ARHGAP44: variants seen among roughly 807,000 people sequenced by gnomAD.
The protein encoded by ARHGAP44 is rho GTPase-activating protein 44.
A neutral mutation model predicts 106.8 loss-of-function variants in ARHGAP44; 43 were observed. The observed-to-expected ratio is 0.40, with a 90% CI of 0.32 to 0.52. The LOEUF (loss-of-function observed/expected upper bound fraction) is 0.52, where lower values mean the gene tolerates loss of function less well. ARHGAP44 is among the 20% of genes least tolerant of loss of function. The pLI is 0.48. For missense variants in ARHGAP44, 866 were observed against 1,050.5 expected, an observed-to-expected ratio of 0.82 and a Z score of 2.43; for synonymous variants, 439 against 410.3, an observed-to-expected ratio of 1.07 and a Z score of -0.85.
intron 1 of ARHGAP44, among the ~76,000 whole-genome samples, chr17:12,865,799 A>AG (rs1282521244): frequency 6.6e-6 from 1 of 151,838 alleles, no homozygotes; most frequent in Non-Finnish European, 1.5e-5. Flanking sequence ...AGAAAAAAAA[A>AG]AAAAAAAGGA....
rs2038943604 is a variant in ARHGAP44, at chr17:12,949,559, C to T, written c.974-90C>T. ...ACATGGTGGTCAGGAGGCCCATCCC[C>T]AGATGGAACCCACATAGGCAGTGCT... On this transcript the variant is annotated intron_variant, in intron 11 of 20. Coordinates refer to ENST00000379672, the MANE Select transcript of ARHGAP44 (RefSeq NM_014859.6). The surrounding 1 kb of genome is among the most constrained non-coding windows in gnomAD (Gnocchi z 4.1). The T allele has an allele frequency of 7.2e-6, 9 of 1,252,582 alleles. No homozygotes were observed. The highest frequency in any genetic ancestry group is 9.1e-6 in the Non-Finnish European group (8 of 875,788). The allele number at this position is 1,252,582 out of a possible 1,614,324, so 77.6% of individuals were successfully genotyped here. A position where few individuals can be genotyped will look rare whatever the true frequency, so the allele number is the denominator to read the frequency against.
chr17:12,973,961 CG>C, intron 17 of ARHGAP44, 127 bp from the exon 18 acceptor site: 1 of 1,024,490 alleles, frequency 9.8e-7, no homozygotes, highest in Non-Finnish European at 1.5e-6. Flanking sequence ...CATCGCTTCC[CG>C]GGCCCCCGGG....
At chr17:12,964,075 A>G (rs1273306341) in intron 16 of ARHGAP44, among the ~76,000 whole-genome samples, 1 of 152,252 alleles carries the variant, frequency 6.6e-6, no homozygotes, top group Admixed American at 6.5e-5. Flanking sequence ...TATTAAATAA[A>G]TCACACTATT....
At chr17:12,874,531 G>A (rs2036496341) in intron 1 of ARHGAP44, among the ~76,000 whole-genome samples, 1 of 152,140 alleles carries the variant, frequency 6.6e-6, no homozygotes, top group South Asian at 2.1e-4. Flanking sequence ...AGGAGTTTGA[G>A]ACTAGTCTGG....
chr17:12,809,982 T>C (rs1014647904), intron 1 of ARHGAP44, among the ~76,000 whole-genome samples: 1 of 151,868 alleles, frequency 6.6e-6, no homozygotes, highest in African/African-American at 2.4e-5. Context: ...GAGGGAGATC[T>C]AGGGGATGGT....
At chr17:12,939,185 G>C (rs1249600329) in intron 7 of ARHGAP44, among the ~76,000 whole-genome samples, 1 of 152,124 alleles carries the variant, frequency 6.6e-6, no homozygotes, top group Non-Finnish European at 1.5e-5. Flanking sequence ...GTGAAATGGA[G>C]CTGAGGTGAT....
At chr17:12,790,711 A>G in intron 1 of ARHGAP44, 1 of 152,594 alleles carries the variant, frequency 6.6e-6, no homozygotes, top group Non-Finnish European at 1.5e-5. Context: ...TCTGGACTCC[A>G]GGAGCGGCTC....
chr17:12,961,298 T>C (rs1396068190), intron 16 of ARHGAP44, among the ~76,000 whole-genome samples: 1 of 152,238 alleles, frequency 6.6e-6, no homozygotes, highest in Non-Finnish European at 1.5e-5. Context: ...CTCTCCTGCT[T>C]AAGAATTTTC....
intron 1 of ARHGAP44, among the ~76,000 whole-genome samples, chr17:12,868,814 C>T (rs1031672047): frequency 1.3e-5 from 2 of 151,006 alleles, no homozygotes; most frequent in African/African-American, 4.9e-5. Context: ...TGTGCCACCA[C>T]GCCTGGCTAG....
rs552894442 is a variant in ARHGAP44 at position 12,927,998 on chromosome 17, G to A, written c.465-931G>A. Among the ~76,000 whole-genome samples the A allele has an allele frequency of 3.3e-5, 5 of 152,104 alleles. No homozygotes were observed. In the South Asian group the frequency reaches 1.0e-3, roughly 32 times the overall value. ...TACAGACTCAGGAGAGGAACCCACT[G>A]CTGAGACCTAATTCAGCTACTACTA... On this transcript the variant is annotated intron_variant, in intron 6 of 20. Coordinates refer to ENST00000379672, the MANE Select transcript of ARHGAP44 (RefSeq NM_014859.6).
chr17:12,789,714 G>T lies in ARHGAP44; in HGVS notation c.-125G>T, dbSNP rs865880560. 1.2e-4 allele frequency: 97 copies of T among 839,558 alleles called. No individual in the cohort carries two copies. Among genetic ancestry groups the T allele is most frequent in the Non-Finnish European group, 1.5e-4 (91 of 613,078 alleles). 52.0% of individuals were successfully genotyped at this position (839,558 alleles called of 1,614,324 possible). ...GCTGCGCGCGGGCCAGACGGCGCCCGGAGGCTCCGCAGTGCCGCCGCCGTC... is the reference window on the plus strand; with the variant it reads ...GCTGCGCGCGGGCCAGACGGCGCCCTGAGGCTCCGCAGTGCCGCCGCCGTC... On this transcript the variant is annotated 5_prime_UTR_variant, in exon 1 of 21. Transcript: ENST00000379672.
intron 1 of ARHGAP44, among the ~76,000 whole-genome samples, chr17:12,857,399 A>G (rs2035943013): frequency 6.6e-6 from 1 of 152,206 alleles, no homozygotes; most frequent in South Asian, 2.1e-4. Context: ...ATGCTGTGTC[A>G]TAACATGGCA....
At chr17:12,896,353 T>G in intron 2 of ARHGAP44, 54 bp from the exon 3 acceptor site, 2 of 1,468,700 alleles carry the variant, frequency 1.4e-6, no homozygotes, top group Non-Finnish European at 1.9e-6. Context: ...CCACAATCCC[T>G]CCTCCCCTGA....
intron 3 of ARHGAP44, among the ~76,000 whole-genome samples, chr17:12,905,876 G>T (rs1178762716): frequency 1.3e-5 from 2 of 152,188 alleles, no homozygotes; most frequent in Non-Finnish European, 2.9e-5. Flanking sequence ...CATTCAAGAC[G>T]AAGCATCTTC....
chr17:12,965,464 G>A (rs1300058685), intron 16 of ARHGAP44, among the ~76,000 whole-genome samples: 1 of 152,164 alleles, frequency 6.6e-6, no homozygotes, highest in Non-Finnish European at 1.5e-5. Flanking sequence ...CCACCCCTGT[G>A]GACTTTAATC....
rs111785464 is a variant in ARHGAP44 at position 12,842,148 on chromosome 17, TAA to T, written c.53+52270_53+52271del. ...CTGCGACACACCTGGCCACTGGGTTTAAAAAAAAAAAAAAGTCTTTCCAGGGC... is the reference window on the plus strand; with the variant it reads ...CTGCGACACACCTGGCCACTGGGTTTAAAAAAAAAAAAGTCTTTCCAGGGC... On this transcript the variant is annotated intron_variant, in intron 1 of 20. Coordinates refer to ENST00000379672, the MANE Select transcript of ARHGAP44 (RefSeq NM_014859.6). Among the ~76,000 whole-genome samples, 678 of 142,294 alleles carry T rather than the reference TAA, an allele frequency of 4.8e-3. 4 individuals are homozygous for T. Among genetic ancestry groups the T allele is most frequent in the African/African-American group, 0.016 (639 of 39,168 alleles). 93.4% of individuals were successfully genotyped at this position (142,294 alleles called of 152,430 possible).
At chr17:12,876,623 G>A (rs2036563340) in intron 1 of ARHGAP44, among the ~76,000 whole-genome samples, 1 of 151,890 alleles carries the variant, frequency 6.6e-6, no homozygotes, top group Non-Finnish European at 1.5e-5. Context: ...GGGTTAGAAG[G>A]ATATTGTGGG....
rs186154862 is a variant in ARHGAP44, at chr17:12,968,834, A to T, written c.1524-4468A>T. 3.1e-4 allele frequency among the ~76,000 whole-genome samples: 45 copies of T among 146,946 alleles called. 1 individual carries two copies. The highest frequency in any genetic ancestry group is 2.6e-3 in the Admixed American group (37 of 14,374). On this transcript the variant is annotated intron_variant, in intron 16 of 20. Transcript: ENST00000379672. The stretch of plus-strand genomic sequence containing the variant: ...GCCCAGGTTGGAGTGCAGTGGCGCC[A>T]TCTCAGCTCACTGCAAGCTCCGCCT...
intron 6 of ARHGAP44, among the ~76,000 whole-genome samples, chr17:12,924,301 C>G (rs1278489474): frequency 6.6e-6 from 1 of 152,212 alleles, no homozygotes; most frequent in African/African-American, 2.4e-5. Context: ...GCCAATGATA[C>G]AGACCTCAAT....
Sources: allele counts gnomAD v4.1 joint callset (sites outside exome capture counted in the v4.1 genomes callset), GRCh38; gene constraint gnomAD v4.1.1; non-coding constraint Gnocchi (gnomAD v3.1); transcripts MANE v1.5; gene names NCBI Gene and HGNC (gene_info 2026-07-23, HGNC 2026-07-21).